Variants in RHOBTB1 observed in about 807,000 individuals in gnomAD.
RHOBTB1 encodes Rho related BTB domain containing 1, also known as rho-related BTB domain-containing protein 1.
In RHOBTB1, 40 loss-of-function variants were observed where a neutral mutation model predicts 71.6. The observed-to-expected ratio is 0.56, with a 90% CI of 0.43 to 0.73. RHOBTB1 has a LOEUF of 0.73. Ranked by LOEUF, RHOBTB1 falls within the 30% of genes least tolerant of loss-of-function variation. RHOBTB1 has a pLI of 0.00. For synonymous variants in RHOBTB1, 319 were observed against 334.9 expected (o/e 0.95, Z 0.52); for missense variants, 797 against 894.0 (o/e 0.89, Z 1.38).
At chr10:60,920,749 G>A (rs1198031164) in intron 2 of RHOBTB1, among the ~76,000 whole-genome samples, 1 of 151,568 alleles carries the variant, frequency 6.6e-6, no homozygotes, top group African/African-American at 2.4e-5. Flanking sequence ...TCCACCTCTC[G>A]GCTCAGGCCA....
At chr10:60,907,195 A>G (rs2082721818) in intron 4 of RHOBTB1, among the ~76,000 whole-genome samples, 1 of 152,202 alleles carries the variant, frequency 6.6e-6, no homozygotes, top group African/African-American at 2.4e-5. Flanking sequence ...CCTAGTCTCA[A>G]ATATGTCTTT....
intron 2 of RHOBTB1, among the ~76,000 whole-genome samples, chr10:60,936,888 G>A (rs542637626): frequency 7.9e-5 from 12 of 152,274 alleles, no homozygotes; most frequent in South Asian, 4.1e-4. Context: ...TGAGTTCTCA[G>A]CACCTAGCCC....
intron 7 of RHOBTB1, among the ~76,000 whole-genome samples, chr10:60,880,037 T>C (rs986669098): frequency 1.1e-4 from 17 of 152,036 alleles, no homozygotes; most frequent in African/African-American, 3.9e-4. Flanking sequence ...TACAGATAAG[T>C]TAAAGTATAC....
chr10:60,909,493 C>A (rs1461643458), intron 4 of RHOBTB1, among the ~76,000 whole-genome samples: 1 of 152,108 alleles, frequency 6.6e-6, no homozygotes, highest in Non-Finnish European at 1.5e-5. Flanking sequence ...ATAAAAAAGT[C>A]CTTTGAAATC....
intron 2 of RHOBTB1, among the ~76,000 whole-genome samples, chr10:60,978,429 A>G: frequency 6.6e-6 from 1 of 152,196 alleles, no homozygotes; most frequent in East Asian, 1.9e-4. Context: ...ATCAAGTGGA[A>G]GTTATTAACA....
At chr10:60,961,396 G>A (rs565948187) in intron 2 of RHOBTB1, among the ~76,000 whole-genome samples, 13 of 152,054 alleles carry the variant, frequency 8.5e-5, no homozygotes, top group Non-Finnish European at 1.8e-4. Context: ...CAAAAGGGGG[G>A]CAAATAACAC....
At chr10:60,948,086 T>C (rs79574119), upstream of RHOBTB1, among the ~76,000 whole-genome samples, 1,294 of 152,326 alleles carry the variant, frequency 8.5e-3, 14 homozygotes, top group African/African-American at 0.029. Context: ...TATATTTTCA[T>C]TGGCTTTTTT....
chr10:60,969,587 C>T (rs761422260), intron 2 of RHOBTB1, among the ~76,000 whole-genome samples: 2 of 151,972 alleles, frequency 1.3e-5, no homozygotes, highest in Non-Finnish European at 2.9e-5. Flanking sequence ...TATAGAGAGA[C>T]AGATTATGGC....
chr10:60,981,493 T>C (rs897722458), intron 2 of RHOBTB1, among the ~76,000 whole-genome samples: 7 of 152,216 alleles, frequency 4.6e-5, no homozygotes, highest in Non-Finnish European at 1.5e-5. Context: ...AACTCACGTC[T>C]GACCTCAAAA....
intron 1 of RHOBTB1, among the ~76,000 whole-genome samples, chr10:60,988,689 T>C (rs1342613340): frequency 6.6e-6 from 1 of 152,222 alleles, no homozygotes; most frequent in Non-Finnish European, 1.5e-5. Flanking sequence ...CCACATTTTC[T>C]TTATTCAATC....
chr10:60,886,242 T>C lies in RHOBTB1; in HGVS notation c.1457-12A>G, dbSNP rs879753828. The C allele has an allele frequency of 5.0e-6, 8 of 1,607,950 alleles. No individual in the cohort carries two copies. Among genetic ancestry groups the C allele is most frequent in the Non-Finnish European group, 6.8e-6 (8 of 1,174,622 alleles). On this transcript the variant is annotated splice_polypyrimidine_tract_variant and intron_variant, in intron 6 of 10. Coordinates refer to ENST00000337910, the MANE Select transcript of RHOBTB1 (RefSeq NM_014836.5). The stretch of plus-strand genomic sequence containing the variant: ...TTTAAATGTCACGTCTGCCAAGGGA[T>C]TGAGGAAACACAACCATGAGCCAAC...
At chr10:60,933,404 T>C (rs1243548305) in intron 2 of RHOBTB1, among the ~76,000 whole-genome samples, 5 of 152,188 alleles carry the variant, frequency 3.3e-5, no homozygotes, top group Non-Finnish European at 2.9e-5. Flanking sequence ...AAATAATAAA[T>C]GTATAGAAAA....
intron 1 of RHOBTB1, among the ~76,000 whole-genome samples, chr10:60,997,467 A>G (rs2087098157): frequency 1.3e-5 from 2 of 152,244 alleles, no homozygotes; most frequent in African/African-American, 4.8e-5. Context: ...TGTTTATAAA[A>G]TGTAATACTT....
At chr10:60,949,328 C>T (rs1169805006) in intron 2 of RHOBTB1, among the ~76,000 whole-genome samples, 1 of 152,190 alleles carries the variant, frequency 6.6e-6, no homozygotes, top group African/African-American at 2.4e-5. Context: ...CCATCACTAA[C>T]CCTTTCTGTC....
At chr10:60,875,825 C>T (rs1432349664) in intron 8 of RHOBTB1, among the ~76,000 whole-genome samples, 1 of 152,188 alleles carries the variant, frequency 6.6e-6, no homozygotes, top group Non-Finnish European at 1.5e-5. Context: ...ACGTTCTGGT[C>T]TGAAGCTAGG....
At chr10:60,862,689 CTCTT>C in the RHOBTB1 span, among the ~76,000 whole-genome samples, 2 of 134,610 alleles carry the variant, frequency 1.5e-5, no homozygotes, top group South Asian at 2.4e-4. Flanking sequence ...TCTTTACTTC[CTCTT>C]TCTTTTCTCT....
At chr10:60,958,837 G>A (rs920104075) in intron 2 of RHOBTB1, among the ~76,000 whole-genome samples, 5 of 152,112 alleles carry the variant, frequency 3.3e-5, no homozygotes, top group African/African-American at 1.2e-4. Flanking sequence ...CTCAGCTCAA[G>A]TGATCCTCCT....
chr10:60,861,926 T>C, the RHOBTB1 span, among the ~76,000 whole-genome samples: 6 of 152,294 alleles, frequency 3.9e-5, no homozygotes, highest in African/African-American at 1.4e-4. Flanking sequence ...CAAGGAAAGA[T>C]GTTGCCTTTC....
chr10:60,897,984 A>G (rs748577709), intron 4 of RHOBTB1, among the ~76,000 whole-genome samples: 4 of 152,188 alleles, frequency 2.6e-5, no homozygotes, highest in Non-Finnish European at 4.4e-5. Flanking sequence ...GATTACAGGC[A>G]TGAGCCACCG....
Sources: gnomAD v4.1 joint callset for allele counts (sites outside exome capture counted in the v4.1 genomes callset) on GRCh38, gnomAD v4.1.1 for gene constraint, MANE v1.5 for transcripts, NCBI Gene and HGNC (gene_info 2026-07-23, HGNC 2026-07-21) for gene names.